The following GRK1 variants were observed in gnomAD, a reference collection of about 807,000 sequenced individuals.
GRK1 encodes rhodopsin kinase GRK1.
GRK1 carries 28 observed loss-of-function variants against 41.7 expected under a neutral mutation model. The observed-to-expected ratio is 0.67, with a 90% CI of 0.50 to 0.92. The LOEUF is 0.92. Among genes scored for constraint, GRK1 ranks in the 40% least tolerant of loss-of-function variants. The pLI is 0.00. For synonymous variants in GRK1, 327 were observed against 286.7 expected, an observed-to-expected ratio of 1.14 and a Z score of -1.42; for missense variants, 703 against 671.2, an observed-to-expected ratio of 1.05 and a Z score of -0.52.
Position 113,735,480 on chromosome 13 carries a change from C to A in GRK1, c.*117C>A. ...AAGGGGACACGTGGTTCCCTCCACC[C>A]AGGTCCCCATCACGCCATCTCCTTG... is the stretch of plus-strand genomic sequence containing the variant. On this transcript the variant is annotated 3_prime_UTR_variant, in exon 7 of 7. Transcript: ENST00000335678. 8.5e-7 allele frequency: 1 copy of A among 1,180,442 alleles called. No homozygotes were observed. Among genetic ancestry groups the A allele is most frequent in the Non-Finnish European group, 1.1e-6 (1 of 879,404 alleles). 73.1% of individuals were successfully genotyped at this position (1,180,442 alleles called of 1,614,324 possible).
rs1021491123 is a variant in GRK1 at position 113,672,203 on chromosome 13, G to A, written c.985+547G>A. Among the ~76,000 whole-genome samples the A allele has an allele frequency of 4.0e-5, 6 of 151,612 alleles. No individual in the cohort carries two copies. In the South Asian group the frequency reaches 1.3e-3, roughly 32 times the overall value. On this transcript the variant is annotated intron_variant, in intron 3 of 6. Coordinates refer to ENST00000335678, the MANE Select transcript of GRK1 (RefSeq NM_002929.3). ...TGTGGTTTGTGGGGTGTGTGTGTGT[G>A]TTGTGTGTGGTGTGTGTGTGGCATA...
chr13:113,650,243 C>A, the GRK1 span, among the ~76,000 whole-genome samples: 2 of 151,824 alleles, frequency 1.3e-5, no homozygotes, highest in Non-Finnish European at 2.9e-5. This position sits in a 1 kb window ranked among gnomAD's most constrained non-coding sequence, Gnocchi z 5.0. Context: ...CAGGTAGATA[C>A]AAGAACCTGG....
At chr13:113,653,873 G>A in the GRK1 span, among the ~76,000 whole-genome samples, 1 of 152,270 alleles carries the variant, frequency 6.6e-6, no homozygotes, top group Non-Finnish European at 1.5e-5. Context: ...AGCGGGGAGT[G>A]AAACGCAGAG....
the GRK1 span, chr13:113,652,999 G>A: frequency 1.2e-4 from 190 of 1,614,116 alleles, no homozygotes; most frequent in East Asian, 2.0e-3. Flanking sequence ...GGTTGGGAGC[G>A]CGGAAACTCT....
Position 113,669,684 on chromosome 13 carries a change from C to T in GRK1, c.700-3C>T, listed in dbSNP as rs2049843436. 6.2e-7 allele frequency: 1 copy of T among 1,613,922 alleles called. No individual in the cohort carries two copies. The highest frequency in any genetic ancestry group is 8.5e-7 in the Non-Finnish European group (1 of 1,179,818). ...AGTGCGTACTCAGCGTCTCACTTTTCAGGGTGCTATGGTGGAGAAGAAGAT... is the reference window on the plus strand; with the variant it reads ...AGTGCGTACTCAGCGTCTCACTTTTTAGGGTGCTATGGTGGAGAAGAAGAT... On this transcript the variant is annotated splice_polypyrimidine_tract_variant and splice_region_variant and intron_variant, in intron 1 of 6. Coordinates refer to ENST00000335678, the MANE Select transcript of GRK1 (RefSeq NM_002929.3).
chr13:113,668,178 C>T (rs936070339), intron 1 of GRK1, 93 bp downstream of exon 1: 24 of 1,346,054 alleles, frequency 1.8e-5, no homozygotes, highest in African/African-American at 4.4e-5. Context: ...CTGTCGGCTC[C>T]GGGGCCCTTA....
chr13:113,653,438 G>C, the GRK1 span: 1 of 1,611,684 alleles, frequency 6.2e-7, no homozygotes, highest in Non-Finnish European at 8.5e-7. Flanking sequence ...GTTACCCCTG[G>C]AGAGAGAGAC....
chr13:113,648,244 G>A, the GRK1 span, among the ~76,000 whole-genome samples: 2 of 152,232 alleles, frequency 1.3e-5, no homozygotes, highest in Non-Finnish European at 2.9e-5. Flanking sequence ...GTCTTCCATC[G>A]GTAAATTGAT....
upstream of GRK1, among the ~76,000 whole-genome samples, chr13:113,666,135 CG>C (rs1233628414): frequency 7.3e-6 from 1 of 136,410 alleles, no homozygotes; most frequent in Non-Finnish European, 1.6e-5. Context: ...GATGTGCCCC[CG>C]GTGTGTCTCA....
In GRK1 at chr13:113,667,360, C is replaced by G. The variant is rs372442806; in HGVS notation, c.-27C>G. On this transcript the variant is annotated 5_prime_UTR_variant, in exon 1 of 7. Coordinates refer to ENST00000335678, the MANE Select transcript of GRK1 (RefSeq NM_002929.3). The surrounding 1 kb of genome is among the most constrained non-coding windows in gnomAD (Gnocchi z 7.5). ...CTTGGCCTCGGCTGATGGGCCCTCA[C>G]GCCTGAAGCGGGCAGGAAGCTCCGG... The G allele has an allele frequency of 1.3e-6, 2 of 1,516,088 alleles. No individual in the cohort carries two copies. The highest frequency in any genetic ancestry group is 8.8e-7 in the Non-Finnish European group (1 of 1,130,426). 93.9% of individuals were successfully genotyped at this position (1,516,088 alleles called of 1,614,324 possible). A position where few individuals can be genotyped will look rare whatever the true frequency, so the allele number is the denominator to read the frequency against.
chr13:113,668,624 G>A (rs1020397894), intron 1 of GRK1, among the ~76,000 whole-genome samples: 2 of 152,254 alleles, frequency 1.3e-5, no homozygotes, highest in Non-Finnish European at 2.9e-5. Flanking sequence ...CGACGGGCAC[G>A]CAGGCCGCTC....
chr13:113,653,261 C>A, the GRK1 span: 4 of 1,525,140 alleles, frequency 2.6e-6, no homozygotes, highest in Non-Finnish European at 3.6e-6. Flanking sequence ...CTCACCCACC[C>A]GCCGCTTCAC....
At chr13:113,733,882 C>CGTGTGTGT (rs1331228248) in intron 6 of GRK1, among the ~76,000 whole-genome samples, 1 of 67,658 alleles carries the variant, frequency 1.5e-5, no homozygotes, top group African/African-American at 9.8e-5. Context: ...TGTGTGCATA[C>CGTGTGTGT]GTGTGTGCGT....
chr13:113,733,542 C>CGT (rs879712340), intron 6 of GRK1, among the ~76,000 whole-genome samples: 16,275 of 138,886 alleles, frequency 0.12, 1,063 homozygotes, highest in Middle Eastern at 0.27. Flanking sequence ...TGTGTGCATG[C>CGT]GTGTGCGCGC....
chr13:113,656,702 C>G, the GRK1 span, among the ~76,000 whole-genome samples: 1 of 152,196 alleles, frequency 6.6e-6, no homozygotes, highest in Non-Finnish European at 1.5e-5. Flanking sequence ...TGTCATTTCA[C>G]TTGAGTTGTG....
At chr13:113,663,676 C>T (rs1400950666), upstream of GRK1, among the ~76,000 whole-genome samples, 2 of 152,170 alleles carry the variant, frequency 1.3e-5, no homozygotes, top group Non-Finnish European at 2.9e-5. Flanking sequence ...CCCAAGAGCA[C>T]GCACAGATGG....
upstream of GRK1, chr13:113,667,120 C>T (rs533187736): frequency 2.4e-6 from 1 of 423,190 alleles, no homozygotes; most frequent in Admixed American, 3.9e-5. The surrounding 1 kb of genome is among the most constrained non-coding windows in gnomAD (Gnocchi z 7.5). Context: ...AGGGGATTGT[C>T]TTTTTCTAGC....
chr13:113,649,472 C>T, the GRK1 span: 156 of 1,559,510 alleles, frequency 1.0e-4, no homozygotes, highest in South Asian at 1.4e-3. This position sits in a 1 kb window ranked among gnomAD's most constrained non-coding sequence, Gnocchi z 4.7. Flanking sequence ...CACACGATGG[C>T]GACCTCAGCG....
the GRK1 span, chr13:113,658,085 G>C: frequency 1.2e-6 from 2 of 1,612,244 alleles, no homozygotes; most frequent in Non-Finnish European, 1.7e-6. Context: ...GGTTCCAGCA[G>C]TAACGCTGGA....
Sources: gnomAD v4.1 joint callset for allele counts (sites outside exome capture counted in the v4.1 genomes callset) on GRCh38, gnomAD v4.1.1 for gene constraint, Gnocchi (gnomAD v3.1) non-coding constraint, MANE v1.5 for transcripts, NCBI Gene and HGNC (gene_info 2026-07-23, HGNC 2026-07-21) for gene names.